Variants in CDC14A observed in about 807,000 individuals in gnomAD.
CDC14A encodes dual specificity protein phosphatase CDC14A.
CDC14A carries 53 observed loss-of-function variants against 74.4 expected under a neutral mutation model. That is an observed-to-expected ratio of 0.71 (90% confidence interval 0.57 to 0.89). CDC14A has a LOEUF of 0.89. Ranked by LOEUF, CDC14A falls within the 40% of genes least tolerant of loss-of-function variation. The pLI is 0.00. For missense variants in CDC14A, 646 were observed against 713.7 expected, an observed-to-expected ratio of 0.91 and a Z score of 1.08; for synonymous variants, 247 against 258.4, an observed-to-expected ratio of 0.96 and a Z score of 0.43.
intron 3 of CDC14A, among the ~76,000 whole-genome samples, chr1:100,381,775 C>A (rs1656139278): frequency 6.6e-6 from 1 of 152,010 alleles, no homozygotes. Context: ...GCATCATCAC[C>A]AATAAAAAAC....
chr1:100,505,540 A>G (rs1649158027), intron 15 of CDC14A, among the ~76,000 whole-genome samples: 1 of 152,206 alleles, frequency 6.6e-6, no homozygotes, highest in African/African-American at 2.4e-5. Context: ...GCACTAAAGC[A>G]TGGTTCATTT....
intron 5 of CDC14A, among the ~76,000 whole-genome samples, chr1:100,439,699 A>G (rs1218813065): frequency 6.6e-6 from 1 of 152,206 alleles, no homozygotes; most frequent in Non-Finnish European, 1.5e-5. Context: ...GAACTAAGGC[A>G]GTCGGACTCA....
At chr1:100,490,716 G>T (rs1670521774) in intron 11 of CDC14A, among the ~76,000 whole-genome samples, 1 of 152,142 alleles carries the variant, frequency 6.6e-6, no homozygotes, top group East Asian at 1.9e-4. Flanking sequence ...TCGTGTGGGT[G>T]TAAAGAACTC....
At chr1:100,347,860 AGAGT>A (rs1650559965), upstream of CDC14A, among the ~76,000 whole-genome samples, 1 of 152,224 alleles carries the variant, frequency 6.6e-6, no homozygotes, top group African/African-American at 2.4e-5. Flanking sequence ...AACAACTAAA[AGAGT>A]ATGTTCTAAT....
chr1:100,455,264 GT>G, intron 7 of CDC14A, 140 bp from the exon 8 acceptor site: 1 of 609,456 alleles, frequency 1.6e-6, no homozygotes, highest in South Asian at 2.1e-5. Flanking sequence ...TCAGGTGCAT[GT>G]TTTTATTTTA....
At chr1:100,406,793 G>A (rs1386170838) in intron 4 of CDC14A, among the ~76,000 whole-genome samples, 4 of 152,070 alleles carry the variant, frequency 2.6e-5, no homozygotes, top group South Asian at 4.1e-4. Flanking sequence ...AGGCTTGGTG[G>A]TGGGTGCCTG....
intron 5 of CDC14A, among the ~76,000 whole-genome samples, chr1:100,427,899 G>C (rs866510021): frequency 6.6e-6 from 1 of 152,154 alleles, no homozygotes; most frequent in South Asian, 2.1e-4. Context: ...TCTGAAATGG[G>C]GGGGTAGGAG....
intron 11 of CDC14A, chr1:100,485,893 G>A (rs559104711): frequency 6.6e-6 from 1 of 152,356 alleles, no homozygotes; most frequent in South Asian, 2.1e-4. Flanking sequence ...CAGGATGGCT[G>A]CTGATGAGGT....
intron 3 of CDC14A, among the ~76,000 whole-genome samples, chr1:100,387,026 T>TA (rs869110043): frequency 1.3e-5 from 2 of 151,942 alleles, no homozygotes; most frequent in African/African-American, 4.8e-5. Flanking sequence ...TTTTTTTTTT[T>TA]AAATCAGCCC....
chr1:100,447,435 G>T (rs1318798030), intron 7 of CDC14A, among the ~76,000 whole-genome samples: 1 of 152,198 alleles, frequency 6.6e-6, no homozygotes, highest in Non-Finnish European at 1.5e-5. Context: ...GGGCAGCTAT[G>T]CTGGGAAGGT....
chr1:100,349,182 C>G (rs892265086), upstream of CDC14A, among the ~76,000 whole-genome samples: 1 of 150,886 alleles, frequency 6.6e-6, no homozygotes, highest in African/African-American at 2.4e-5. Context: ...GGCTACAGAG[C>G]AAGACTCCGT....
intron 15 of CDC14A, chr1:100,505,018 A>C (rs1649109046): frequency 1.0e-5 from 13 of 1,272,532 alleles, no homozygotes; most frequent in Admixed American, 2.8e-5. Flanking sequence ...ATTTGTTTAC[A>C]TATTGTCTGT....
At chr1:100,465,606 T>C (rs1321887493) in intron 9 of CDC14A, among the ~76,000 whole-genome samples, 1 of 152,230 alleles carries the variant, frequency 6.6e-6, no homozygotes, top group Admixed American at 6.5e-5. Flanking sequence ...AAATGAACTT[T>C]GGTGGCTACT....
At chr1:100,480,478 A>T (rs1425677660) in intron 10 of CDC14A, among the ~76,000 whole-genome samples, 1 of 152,178 alleles carries the variant, frequency 6.6e-6, no homozygotes, top group East Asian at 1.9e-4. Context: ...TATCTATTTG[A>T]ATCCCTAGTT....
At chr1:100,359,267 A>T (rs1411496781) in intron 2 of CDC14A, among the ~76,000 whole-genome samples, 1 of 152,232 alleles carries the variant, frequency 6.6e-6, no homozygotes, top group Non-Finnish European at 1.5e-5. Flanking sequence ...TAGGAGTTAG[A>T]TGCTGTTATT....
intron 5 of CDC14A, among the ~76,000 whole-genome samples, chr1:100,425,988 T>C (rs1662920509): frequency 6.6e-6 from 1 of 152,194 alleles, no homozygotes; most frequent in African/African-American, 2.4e-5. Context: ...ACAGTTTCCT[T>C]ATCTGTAAAA....
chr1:100,384,772 G>A (rs1334719017), intron 3 of CDC14A, among the ~76,000 whole-genome samples: 1 of 152,188 alleles, frequency 6.6e-6, no homozygotes, highest in Non-Finnish European at 1.5e-5. Flanking sequence ...GTTTATGAAA[G>A]CTTCAATTTT....
intron 7 of CDC14A, among the ~76,000 whole-genome samples, chr1:100,447,105 G>A (rs949190416): frequency 2.0e-5 from 3 of 152,172 alleles, no homozygotes; most frequent in African/African-American, 7.2e-5. Context: ...GGACAGGCTA[G>A]CCAATGTACT....
chr1:100,515,151 C>T (rs1229002235), intron 15 of CDC14A, among the ~76,000 whole-genome samples: 1 of 152,122 alleles, frequency 6.6e-6, no homozygotes, highest in African/African-American at 2.4e-5. Flanking sequence ...ATGGAGAGTA[C>T]TTGTGTTTTT....
Sources: allele counts gnomAD v4.1 joint callset (sites outside exome capture counted in the v4.1 genomes callset), GRCh38; gene constraint gnomAD v4.1.1; transcripts MANE v1.5; gene names NCBI Gene and HGNC (gene_info 2026-07-23, HGNC 2026-07-21).